The following VAMP7 variants were observed in gnomAD, a reference collection of about 807,000 sequenced individuals.
VAMP7 encodes vesicle-associated membrane protein 7.
A neutral mutation model predicts 29.6 loss-of-function variants in VAMP7; 14 were observed. The ratio of observed to expected loss-of-function variants is 0.47; its 90% CI spans 0.31 to 0.74. The LOEUF is 0.74. VAMP7 is among the 30% of genes least tolerant of loss of function. The probability of loss-of-function intolerance (pLI) is 0.05; values close to 1 mark genes in which losing one functional copy is unlikely to be tolerated. For missense variants in VAMP7, 223 were observed against 262.4 expected, an observed-to-expected ratio of 0.85 and a Z score of 1.04; for synonymous variants, 95 against 88.1, an observed-to-expected ratio of 1.08 and a Z score of -0.44.
chrX:155,926,308 T>C (rs893184553), intron 6 of VAMP7, among the ~76,000 whole-genome samples: 1 of 152,238 alleles, frequency 6.6e-6, no homozygotes, highest in Non-Finnish European at 1.5e-5. Context: ...TTGTTTAGTA[T>C]AGCCACCTTT....
At chrX:155,911,627 TC>T (rs1432004843) in intron 5 of VAMP7, among the ~76,000 whole-genome samples, 3 of 152,166 alleles carry the variant, frequency 2.0e-5, no homozygotes, top group African/African-American at 7.2e-5. Context: ...TCAGTTTTTT[TC>T]ATCAGTGTTT....
chrX:155,897,979 T>G (rs1342561090), intron 3 of VAMP7, 133 bp from the exon 4 acceptor site: 4 of 1,139,646 alleles, frequency 3.5e-6, no homozygotes, highest in Non-Finnish European at 4.9e-6. Flanking sequence ...ATCTTTAAGA[T>G]AGGATCAATG....
At chrX:155,895,446 A>G (rs2065975009) in intron 2 of VAMP7, among the ~76,000 whole-genome samples, 177 bp from the exon 3 acceptor site, 1 of 152,160 alleles carries the variant, frequency 6.6e-6, no homozygotes, top group Non-Finnish European at 1.5e-5. Context: ...ATGTACTTCT[A>G]TCAGTTTGAC....
rs188800228 is a variant in VAMP7 at position 155,915,990 on chromosome X, G to C, written c.434-3823G>C. 1.9e-3 allele frequency among the ~76,000 whole-genome samples: 284 copies of C among 152,228 alleles called. 1 individual carries two copies. The highest frequency in any genetic ancestry group is 6.7e-3 in the African/African-American group (278 of 41,554). ...TCCTACTATTATTGTGTGGGAGTCT[G>C]AGTCTCTTTGTAGGTCTGTAAGAAC... On this transcript the variant is annotated intron_variant, in intron 5 of 7. Coordinates refer to ENST00000286448, the MANE Select transcript of VAMP7 (RefSeq NM_005638.6).
chrX:155,887,762 G>A (rs2065881460), intron 1 of VAMP7, among the ~76,000 whole-genome samples: 1 of 150,394 alleles, frequency 6.6e-6, no homozygotes, highest in African/African-American at 2.5e-5. Flanking sequence ...AACCCTGTCT[G>A]TACAAAAAAA....
chrX:155,925,244 A>G (rs923826612), intron 6 of VAMP7, among the ~76,000 whole-genome samples: 1 of 152,166 alleles, frequency 6.6e-6, no homozygotes, highest in Non-Finnish European at 1.5e-5. Flanking sequence ...TCTTAATGGC[A>G]TCTAGAATGG....
intron 6 of VAMP7, among the ~76,000 whole-genome samples, chrX:155,924,991 C>A (rs2066448190): frequency 6.6e-6 from 1 of 152,202 alleles, no homozygotes; most frequent in African/African-American, 2.4e-5. Flanking sequence ...AAACCACTTT[C>A]CTTGCCCATG....
At chrX:155,915,129 G>C (rs1416467569) in intron 5 of VAMP7, among the ~76,000 whole-genome samples, 3 of 152,150 alleles carry the variant, frequency 2.0e-5, no homozygotes, top group Non-Finnish European at 2.9e-5. Context: ...ATTTCTTCCA[G>C]ATTTTCTAGT....
In VAMP7 at chrX:155,900,579, G is replaced by A; in HGVS notation, c.425G>A (p.Arg142Lys). ...GATGAACTGAAAGGAATCATGGTCAGAAACATAGGTATGTTTCATGGCATA... is the reference window on the plus strand; with the variant it reads ...GATGAACTGAAAGGAATCATGGTCAAAAACATAGGTATGTTTCATGGCATA... ...QVDELKGIMV[R>K]NIDLVAQRGE... The change falls in exon 5 of 8, where the codon AGA becomes AAA. Residue 142 changes from arginine to lysine, a missense_variant. Physicochemically the swap from Arg to Lys is conservative, Grantham distance 26. Transcript: ENST00000286448. The A allele has an allele frequency of 6.2e-7, 1 of 1,606,410 alleles. No homozygotes were observed. Among genetic ancestry groups the A allele is most frequent in the Non-Finnish European group, 8.5e-7 (1 of 1,175,704 alleles).
intron 6 of VAMP7, among the ~76,000 whole-genome samples, chrX:155,929,459 A>G (rs1194382628): frequency 1.3e-5 from 2 of 152,112 alleles, no homozygotes; most frequent in Non-Finnish European, 2.9e-5. Flanking sequence ...CCCCCTGGGC[A>G]TTGTGTGGGG....
chrX:155,893,031 G>A (rs2065943906), intron 2 of VAMP7, among the ~76,000 whole-genome samples: 1 of 152,096 alleles, frequency 6.6e-6, no homozygotes, highest in Non-Finnish European at 1.5e-5. Flanking sequence ...GGGATTACAG[G>A]CATGAGCCAC....
chrX:155,939,271 G>C lies in VAMP7; in HGVS notation c.502-430G>C, dbSNP rs1369120809. On this transcript the variant is annotated intron_variant, in intron 6 of 7. Coordinates refer to ENST00000286448, the MANE Select transcript of VAMP7 (RefSeq NM_005638.6). ...TCTATGGGTTTTGGCCCTCACAAAA[G>C]TAAATACATATCTTCCTACAGAAAT... 2.6e-5 allele frequency among the ~76,000 whole-genome samples: 4 copies of C among 152,112 alleles called. No individual in the cohort carries two copies. The East Asian group carries it at 7.7e-4, about 29-fold the overall frequency.
At chrX:155,891,327 CAT>C (rs1341552221) in intron 2 of VAMP7, among the ~76,000 whole-genome samples, 1 of 152,170 alleles carries the variant, frequency 6.6e-6, no homozygotes, top group African/African-American at 2.4e-5. Flanking sequence ...TCTTCCCAAA[CAT>C]AGAATACGCC....
intron 2 of VAMP7, among the ~76,000 whole-genome samples, chrX:155,893,068 A>G (rs2065944421): frequency 6.6e-6 from 1 of 152,056 alleles, no homozygotes; most frequent in African/African-American, 2.4e-5. Flanking sequence ...CTGTATTATA[A>G]TTGAAATGAT....
chrX:155,938,413 T>C (rs1443611386), intron 6 of VAMP7, among the ~76,000 whole-genome samples: 6 of 152,196 alleles, frequency 3.9e-5, no homozygotes, highest in Non-Finnish European at 7.3e-5. Flanking sequence ...TGGTTGGAGA[T>C]GAATCTATGG....
intron 5 of VAMP7, among the ~76,000 whole-genome samples, chrX:155,911,766 T>A (rs771600269): frequency 6.6e-6 from 1 of 152,304 alleles, no homozygotes; most frequent in South Asian, 2.1e-4. Context: ...CCAAGTTGAT[T>A]ATTGATGCAT....
intron 5 of VAMP7, among the ~76,000 whole-genome samples, chrX:155,905,035 C>T (rs2066128561): frequency 6.6e-6 from 1 of 151,724 alleles, no homozygotes; most frequent in Non-Finnish European, 1.5e-5. Context: ...CACCTTTATA[C>T]ATTCCTAATA....
At chrX:155,938,137 G>C (rs1177184631) in intron 6 of VAMP7, among the ~76,000 whole-genome samples, 5 of 152,028 alleles carry the variant, frequency 3.3e-5, no homozygotes, top group African/African-American at 4.8e-5. Flanking sequence ...TTTTATTACT[G>C]TTATTCTATC....
At chrX:155,935,909 C>T (rs1569451977) in intron 6 of VAMP7, among the ~76,000 whole-genome samples, 1 of 152,092 alleles carries the variant, frequency 6.6e-6, no homozygotes, top group Non-Finnish European at 1.5e-5. Flanking sequence ...TGTTAGTTTT[C>T]CTTCTAACAG....
Sources: allele counts gnomAD v4.1 joint callset (sites outside exome capture counted in the v4.1 genomes callset), GRCh38; gene constraint gnomAD v4.1.1; transcripts MANE v1.5; gene names NCBI Gene and HGNC (gene_info 2026-07-23, HGNC 2026-07-21).